The following GPAT3 variants were observed in gnomAD, a reference collection of about 807,000 sequenced individuals.
GPAT3 encodes 1-AGP acyltransferase 9.
Under a neutral mutation model 58.8 loss-of-function variants are expected in GPAT3, and 53 were observed. That is an observed-to-expected ratio of 0.90 (90% CI 0.72 to 1.13). The LOEUF is 1.13. Among genes scored for constraint, GPAT3 ranks in the 50% most tolerant of loss-of-function variants. The pLI, the probability that GPAT3 is intolerant of heterozygous loss-of-function variation, is 0.00. For missense variants in GPAT3, 511 were observed against 527.6 expected, an observed-to-expected ratio of 0.97 and a Z score of 0.31; for synonymous variants, 197 against 187.4, an observed-to-expected ratio of 1.05 and a Z score of -0.42.
intron 2 of GPAT3, among the ~76,000 whole-genome samples, chr4:83,549,163 T>C (rs1373226074): frequency 9.0e-6 from 1 of 110,640 alleles, no homozygotes; most frequent in Admixed American, 8.9e-5. Flanking sequence ...GTGAGACCCA[T>C]CTGAAAAAAA....
intron 2 of GPAT3, among the ~76,000 whole-genome samples, chr4:83,565,668 G>A (rs1278209623): frequency 6.6e-6 from 1 of 152,012 alleles, no homozygotes; most frequent in Non-Finnish European, 1.5e-5. Context: ...GCTAATTTTT[G>A]TGTTGGGGAA....
intron 2 of GPAT3, among the ~76,000 whole-genome samples, chr4:83,548,326 C>T (rs374028890): frequency 1.3e-5 from 2 of 152,106 alleles, no homozygotes; most frequent in Non-Finnish European, 2.9e-5. Flanking sequence ...TACAAAGGAT[C>T]GTTTGACTTT....
intron 2 of GPAT3, among the ~76,000 whole-genome samples, chr4:83,567,898 A>G (rs974024798): frequency 4.0e-5 from 6 of 151,714 alleles, no homozygotes; most frequent in African/African-American, 1.5e-4. Flanking sequence ...TAGCATGTTC[A>G]TCTCTTGGTG....
At chr4:83,583,063 C>T (rs1450160536) in intron 3 of GPAT3, among the ~76,000 whole-genome samples, 7 of 151,380 alleles carry the variant, frequency 4.6e-5, no homozygotes, top group African/African-American at 1.5e-4. Context: ...TTTGGGAGGC[C>T]GAGGTGGGCG....
chr4:83,590,348 CTT>C, intron 6 of GPAT3, 56 bp downstream of exon 6: 1 of 1,555,874 alleles, frequency 6.4e-7, no homozygotes. Flanking sequence ...ATTGATCAAA[CTT>C]TTTATTTTGG....
chr4:83,581,858 T>A, intron 3 of GPAT3, 26 bp downstream of exon 3: 1 of 1,582,666 alleles, frequency 6.3e-7, no homozygotes, highest in Non-Finnish European at 8.6e-7. Flanking sequence ...GGTAATTTGA[T>A]GATACGCTTG....
intron 5 of GPAT3, 145 bp from the exon 6 acceptor site, chr4:83,590,054 A>G (rs934910171): frequency 3.8e-5 from 23 of 607,734 alleles, no homozygotes; most frequent in Non-Finnish European, 5.7e-5. Context: ...GATTGCACCA[A>G]TGCACTCCAG....
chr4:83,587,128 G>A, intron 3 of GPAT3, 127 bp from the exon 4 acceptor site: 4 of 705,024 alleles, frequency 5.7e-6, no homozygotes, highest in Admixed American at 5.5e-5. Flanking sequence ...AGTTATTTTA[G>A]TGGCTGCATC....
intron 3 of GPAT3, 126 bp downstream of exon 3, chr4:83,581,958 C>A: frequency 1.6e-6 from 2 of 1,266,952 alleles, no homozygotes; most frequent in Non-Finnish European, 2.2e-6. Flanking sequence ...GAAATGCCAC[C>A]AAACATGACC....
chr4:83,577,782 T>C (rs1297265095), intron 2 of GPAT3, among the ~76,000 whole-genome samples: 2 of 148,546 alleles, frequency 1.3e-5, no homozygotes, highest in African/African-American at 4.9e-5. Context: ...GAGTATGTCA[T>C]TGTGGCTTTT....
rs750872977 is a variant in GPAT3 at position 83,590,224 on chromosome 4, A to G, written c.670A>G (p.Ile224Val). ...GCAGTACAGACCCCAGAAGGGAGGC[A>G]TTTGTGTTGCCAACCATACTTCCCC... ...NKQYRPQKGG[I>V]CVANHTSPID... Residue 224 changes from isoleucine to valine, a missense_variant, in exon 6 of 12, where the codon ATT becomes GTT. By Grantham distance (29) the Ile-to-Val change is conservative (BLOSUM62 3). Transcript: ENST00000264409. 2.5e-6 allele frequency: 4 copies of G among 1,613,936 alleles called. No homozygotes were observed. In the Admixed American group the frequency reaches 5.0e-5, roughly 20 times the overall value.
intron 2 of GPAT3, among the ~76,000 whole-genome samples, chr4:83,565,780 G>C (rs1165613782): frequency 6.6e-6 from 1 of 152,224 alleles, no homozygotes; most frequent in Non-Finnish European, 1.5e-5. Flanking sequence ...GGGGACCGGA[G>C]CGTCGGAGGC....
chr4:83,571,675 T>C (rs911020683), intron 2 of GPAT3, among the ~76,000 whole-genome samples: 1 of 150,950 alleles, frequency 6.6e-6, no homozygotes, highest in African/African-American at 2.4e-5. Context: ...CCCACTCATA[T>C]ATATATGTGT....
intron 2 of GPAT3, among the ~76,000 whole-genome samples, chr4:83,562,214 T>TATATATATA (rs369889638): frequency 0.36 from 27,243 of 75,814 alleles, 4,116 homozygotes; most frequent in Middle Eastern, 0.49. Context: ...ATATATATTA[T>TATATATATA]ATATATATAT....
rs186871554 is a variant in GPAT3 at position 83,547,464 on chromosome 4, G to A, written c.208+2862G>A. Among the ~76,000 whole-genome samples the A allele has an allele frequency of 4.2e-3, 642 of 151,680 alleles. 35 individuals carry two copies. In the East Asian group the frequency reaches 0.098, roughly 23 times the overall value. ...AGACGGGGTTTCACCGTGTTAGCCAGGATGGTCTCGATCTCCTGACCTTGT... is the reference window on the plus strand; with the variant it reads ...AGACGGGGTTTCACCGTGTTAGCCAAGATGGTCTCGATCTCCTGACCTTGT... On this transcript the variant is annotated intron_variant, in intron 2 of 11. Transcript: ENST00000264409.
At chr4:83,578,937 C>CTT in intron 2 of GPAT3, among the ~76,000 whole-genome samples, 3 of 2,410 alleles carry the variant, frequency 1.2e-3, no homozygotes, top group Non-Finnish European at 1.9e-3. Context: ...TTCTTTCTTT[C>CTT]TTTTCTTTTC....
intron 6 of GPAT3, among the ~76,000 whole-genome samples, chr4:83,590,723 G>T (rs1726563593): frequency 6.6e-6 from 1 of 152,074 alleles, no homozygotes; most frequent in Non-Finnish European, 1.5e-5. Flanking sequence ...TGAGGATCTA[G>T]CAAGAAAGGC....
At chr4:83,562,576 G>A (rs905316075) in intron 2 of GPAT3, among the ~76,000 whole-genome samples, 5 of 151,908 alleles carry the variant, frequency 3.3e-5, no homozygotes, top group African/African-American at 1.2e-4. Context: ...TGAGCCTGGC[G>A]AAGAAGTCAG....
At chr4:83,567,787 A>AC (rs1333699989) in intron 2 of GPAT3, among the ~76,000 whole-genome samples, 8 of 152,194 alleles carry the variant, frequency 5.3e-5, no homozygotes, top group African/African-American at 1.9e-4. Context: ...AACAACAACA[A>AC]AAAAAGCCTG....
Sources: allele counts gnomAD v4.1 joint callset (sites outside exome capture counted in the v4.1 genomes callset), GRCh38; gene constraint gnomAD v4.1.1; transcripts MANE v1.5; gene names NCBI Gene and HGNC (gene_info 2026-07-23, HGNC 2026-07-21).